Variants in JPH1 observed in about 807,000 individuals in gnomAD.
The protein encoded by JPH1 is junctophilin 1, also known as junctophilin-1.
JPH1 carries 12 observed loss-of-function variants against 53.6 expected under a neutral mutation model. The ratio of observed to expected loss-of-function variants is 0.22; its 90% CI spans 0.14 to 0.36. The LOEUF (loss-of-function observed/expected upper bound fraction) is 0.36, where lower values mean the gene tolerates loss of function less well. Ranked by LOEUF, JPH1 falls within the 10% of genes least tolerant of loss-of-function variation. The probability of loss-of-function intolerance (pLI) is 1.00; values close to 1 mark genes in which losing one functional copy is unlikely to be tolerated. For synonymous variants in JPH1, 375 were observed against 363.8 expected (o/e 1.03, Z -0.35); for missense variants, 808 against 905.5 (o/e 0.89, Z 1.38).
chr8:74,266,700 A>G (rs766094468), intron 2 of JPH1, among the ~76,000 whole-genome samples: 13 of 152,230 alleles, frequency 8.5e-5, no homozygotes, highest in Non-Finnish European at 1.8e-4. Context: ...CATATTTTAC[A>G]AACCTAAAAA....
intron 2 of JPH1, among the ~76,000 whole-genome samples, chr8:74,312,650 G>GT (rs34661996): frequency 0.046 from 6,938 of 152,166 alleles, 174 homozygotes; most frequent in East Asian, 0.078. Context: ...CTGAAACTTC[G>GT]TATCTGTTGA....
Position 74,321,159 on chromosome 8 carries a change from C to A in JPH1, c.129G>T (p.Ser43=), listed in dbSNP as rs1248044222. The change falls in exon 1 of 6, where the codon TCG becomes TCT. Residue 43 remains serine (S), a synonymous_variant. Transcript: ENST00000342232. The surrounding 1 kb of genome is among the most constrained non-coding windows in gnomAD (Gnocchi z 4.3). ...AGCCTCCGACCACCTCGAAGCCGTG[C>A]GACCAGGAGCCCGAGTACTCGCCCT... is the stretch of plus-strand genomic sequence containing the variant. ...KGQGEYSGSW[S]HGFEVVGGYT... 1.9e-6 allele frequency: 3 copies of A among 1,613,254 alleles called. No individual in the cohort carries two copies. Among genetic ancestry groups the A allele is most frequent in the East Asian group, 2.2e-5 (1 of 44,808 alleles).
chr8:74,249,947 G>A (rs1355780454), intron 3 of JPH1, among the ~76,000 whole-genome samples: 2 of 152,162 alleles, frequency 1.3e-5, no homozygotes, highest in African/African-American at 4.8e-5. Context: ...CGTTGGGGAT[G>A]ATACCCAGAG....
At position 74,254,728 on chromosome 8, in the gene JPH1, C is replaced by T. The variant is rs548964272; in HGVS notation, c.1258+4657G>A. Among the ~76,000 whole-genome samples, 51 of 152,210 alleles carry T rather than the reference C, an allele frequency of 3.4e-4. 2 individuals carry two copies. The East Asian group carries it at 9.3e-3, about 28-fold the overall frequency. On this transcript the variant is annotated intron_variant, in intron 3 of 5. Coordinates refer to ENST00000342232, the MANE Select transcript of JPH1 (RefSeq NM_020647.4). ...ATACAAAATCAATGTACAAAAATCA[C>T]AAGCATTCTTATACACCAATAACAG...
At chr8:74,266,640 T>C (rs1173172097) in intron 2 of JPH1, among the ~76,000 whole-genome samples, 1 of 152,230 alleles carries the variant, frequency 6.6e-6, no homozygotes, top group Non-Finnish European at 1.5e-5. Flanking sequence ...GGTCTACTAC[T>C]ATTGAAATGT....
intron 2 of JPH1, among the ~76,000 whole-genome samples, chr8:74,287,035 T>C (rs75804600): frequency 1.3e-5 from 2 of 152,360 alleles, no homozygotes; most frequent in East Asian, 3.9e-4. Context: ...AGGGAGCTAC[T>C]TTTAATTTAC....
intron 2 of JPH1, among the ~76,000 whole-genome samples, chr8:74,313,710 C>T (rs1458882061): frequency 6.6e-6 from 1 of 151,924 alleles, no homozygotes; most frequent in African/African-American, 2.4e-5. Context: ...AACCTGAAGA[C>T]ATGCTAACAT....
Position 74,320,147 on chromosome 8 carries a change from G to T in JPH1, c.379+762C>A, listed in dbSNP as rs1165814940. Among the ~76,000 whole-genome samples the T allele has an allele frequency of 6.6e-6, 1 of 152,138 alleles. No homozygotes were observed. Among genetic ancestry groups the T allele is most frequent in the Non-Finnish European group, 1.5e-5 (1 of 68,020 alleles). ...TGCTAATTGTATTCTTTAAAATGTA[G>T]ACTTCATTACCCATTTCTAAAATAT... On this transcript the variant is annotated intron_variant, in intron 1 of 5. Transcript: ENST00000342232. This position sits in a 1 kb window ranked among gnomAD's most constrained non-coding sequence, Gnocchi z 4.4.
chr8:74,305,374 T>C (rs907149654), intron 2 of JPH1, among the ~76,000 whole-genome samples: 1 of 152,238 alleles, frequency 6.6e-6, no homozygotes, highest in Non-Finnish European at 1.5e-5. Context: ...AGGTCAAAGC[T>C]GAAACTCATA....
intron 2 of JPH1, among the ~76,000 whole-genome samples, chr8:74,276,948 A>G (rs1645791452): frequency 6.6e-6 from 1 of 152,254 alleles, no homozygotes; most frequent in South Asian, 2.1e-4. Flanking sequence ...TTTAAATAAG[A>G]GTATAATCGA....
At position 74,236,010 on chromosome 8, in the gene JPH1, C is replaced by T. The variant is rs1446652710; in HGVS notation, c.*1041G>A. The T allele has an allele frequency of 3.3e-5, 5 of 152,144 alleles. No individual in the cohort carries two copies. Among genetic ancestry groups the T allele is most frequent in the Admixed American group, 2.6e-4 (4 of 15,276 alleles). 9.4% of individuals were successfully genotyped at this position (152,144 alleles called of 1,614,324 possible). A position where few individuals can be genotyped will look rare whatever the true frequency, so the allele number is the denominator to read the frequency against. On this transcript the variant is annotated 3_prime_UTR_variant, in exon 6 of 6. Coordinates refer to ENST00000342232, the MANE Select transcript of JPH1 (RefSeq NM_020647.4). ...CAAGATTTTATTTGGTTGTAAAGTA[C>T]GTCAGCAAAGAAACTGAATCCTTTA...
At chr8:74,285,049 T>C (rs2131424158) in intron 2 of JPH1, among the ~76,000 whole-genome samples, 1 of 152,260 alleles carries the variant, frequency 6.6e-6, no homozygotes, top group Non-Finnish European at 1.5e-5. Flanking sequence ...GGTCTCGAAC[T>C]CCTGACCTTG....
rs1358519427 is a variant in JPH1, at chr8:74,320,213, C to T, written c.379+696G>A. ...TCCAAGATCTCCAGGTCAGCAAAGA[C>T]TGCTACTCTTTTAAGACCAATACTT... On this transcript the variant is annotated intron_variant, in intron 1 of 5. Coordinates refer to ENST00000342232, the MANE Select transcript of JPH1 (RefSeq NM_020647.4). The surrounding 1 kb of genome is among the most constrained non-coding windows in gnomAD (Gnocchi z 4.4). 6.6e-6 allele frequency among the ~76,000 whole-genome samples: 1 copy of T among 152,200 alleles called. No homozygotes were observed. Among genetic ancestry groups the T allele is most frequent in the Non-Finnish European group, 1.5e-5 (1 of 68,034 alleles).
chr8:74,290,519 T>C (rs1256069122), intron 2 of JPH1, among the ~76,000 whole-genome samples: 2 of 152,176 alleles, frequency 1.3e-5, no homozygotes, highest in East Asian at 1.9e-4. Flanking sequence ...TGCTCACCGA[T>C]AGGAAGAATC....
At chr8:74,286,667 A>T (rs1415658635) in intron 2 of JPH1, among the ~76,000 whole-genome samples, 1 of 152,258 alleles carries the variant, frequency 6.6e-6, no homozygotes, top group African/African-American at 2.4e-5. Flanking sequence ...TCTATAAAAC[A>T]TATAAGTAAT....
In JPH1 at chr8:74,284,769, A is replaced by ATT. The variant is rs200157164; in HGVS notation, c.1140-25268_1140-25267dup. On this transcript the variant is annotated intron_variant, in intron 2 of 5. Coordinates refer to ENST00000342232, the MANE Select transcript of JPH1 (RefSeq NM_020647.4). ...TACTCTACTAGCTTGGCTAAGCTGC[A>ATT]TTTTTTTTTTTTTTCATAGACCGGT... 6.5e-4 allele frequency among the ~76,000 whole-genome samples: 79 copies of ATT among 120,926 alleles called. 1 individual carries two copies. The East Asian group carries it at 9.2e-3, about 14-fold the overall frequency. 79.3% of individuals were successfully genotyped at this position (120,926 alleles called of 152,430 possible).
chr8:74,272,349 TAC>T (rs1806723391), intron 2 of JPH1, among the ~76,000 whole-genome samples: 1 of 152,182 alleles, frequency 6.6e-6, no homozygotes, highest in African/African-American at 2.4e-5. Flanking sequence ...CCCTACTTAT[TAC>T]ATACATTGCA....
chr8:74,297,374 G>C (rs1807551001), intron 2 of JPH1, among the ~76,000 whole-genome samples: 1 of 152,182 alleles, frequency 6.6e-6, no homozygotes, highest in African/African-American at 2.4e-5. Context: ...GTAAACATGT[G>C]ACAAGTTCCA....
intron 2 of JPH1, among the ~76,000 whole-genome samples, chr8:74,287,336 G>A (rs141032519): frequency 0.019 from 2,850 of 151,920 alleles, 38 homozygotes; most frequent in Non-Finnish European, 0.027. Context: ...GCGGAGACAC[G>A]AGAATCGCGT....
Sources: gnomAD v4.1 joint callset for allele counts (sites outside exome capture counted in the v4.1 genomes callset) on GRCh38, gnomAD v4.1.1 for gene constraint, Gnocchi (gnomAD v3.1) non-coding constraint, MANE v1.5 for transcripts, NCBI Gene and HGNC (gene_info 2026-07-23, HGNC 2026-07-21) for gene names.